ZDHHC1: variants seen among roughly 807,000 people sequenced by gnomAD.
The protein encoded by ZDHHC1 is palmitoyltransferase ZDHHC1.
ZDHHC1 carries 45 observed loss-of-function variants against 46.9 expected under a neutral mutation model. That is an observed-to-expected ratio of 0.96 (90% confidence interval 0.76 to 1.23). The LOEUF is 1.23. Ranked by LOEUF, ZDHHC1 falls within the 50% of genes most tolerant of loss-of-function variation. The pLI, the probability that ZDHHC1 is intolerant of heterozygous loss-of-function variation, is 0.00. For missense variants in ZDHHC1, 649 were observed against 670.8 expected (o/e 0.97, Z 0.36); for synonymous variants, 291 against 286.0 (o/e 1.02, Z -0.18).
rs1214778190 is a variant in ZDHHC1 at position 67,402,938 on chromosome 16, A to G, written c.253-1806T>C. On this transcript the variant is annotated intron_variant, in intron 3 of 11. Transcript: ENST00000565726. Reference sequence around the variant, plus strand: ...CCACCACTCCTGCCCAAAAACATGGATATCAATCAAATAATGAGTTAATTA... The same window carrying G: ...CCACCACTCCTGCCCAAAAACATGGGTATCAATCAAATAATGAGTTAATTA... Among the ~76,000 whole-genome samples the G allele has an allele frequency of 9.8e-5, 15 of 152,364 alleles. No homozygotes were observed. The East Asian group carries it at 1.5e-3, about 16-fold the overall frequency.
chr16:67,400,195 G>C (rs1177934766), intron 4 of ZDHHC1, among the ~76,000 whole-genome samples: 1 of 152,236 alleles, frequency 6.6e-6, no homozygotes, highest in East Asian at 1.9e-4. Flanking sequence ...GGCGCCTTAA[G>C]GCTAGGGGCT....
Position 67,399,468 on chromosome 16 carries a change from G to C in ZDHHC1, c.429-12C>G, listed in dbSNP as rs777449704. Reference sequence around the variant, plus strand: ...TGGAGCGAGCGCTCCTGCAGGGAGAGGGGGCACAGCGCGATTGGCCGGCTC... The same window carrying C: ...TGGAGCGAGCGCTCCTGCAGGGAGACGGGGCACAGCGCGATTGGCCGGCTC... On this transcript the variant is annotated splice_polypyrimidine_tract_variant and intron_variant, in intron 4 of 11. Transcript: ENST00000565726. 3.7e-6 allele frequency: 6 copies of C among 1,603,312 alleles called. No homozygotes were observed. The highest frequency in any genetic ancestry group is 3.4e-5 in the Admixed American group (2 of 59,328).
rs2040370781 is a variant in ZDHHC1 at position 67,394,300 on chromosome 16, CAGGGCAGCCTGG to C, written c.*298_*309del. On this transcript the variant is annotated 3_prime_UTR_variant, in exon 12 of 12. Coordinates refer to ENST00000565726, the MANE Select transcript of ZDHHC1 (RefSeq NM_001323627.2). ...CACGAGCCGCACGTGAGCACCTCCACAGGGCAGCCTGGGTGGCTACCTACTATACAGGGACCT... is the reference window on the plus strand; with the variant it reads ...CACGAGCCGCACGTGAGCACCTCCACGTGGCTACCTACTATACAGGGACCT... The C allele has an allele frequency of 6.3e-6, 1 of 157,788 alleles. No homozygotes were observed. The highest frequency in any genetic ancestry group is 2.9e-3 in the Middle Eastern group (1 of 348). 9.8% of individuals were successfully genotyped at this position (157,788 alleles called of 1,614,324 possible).
rs754070046 is a variant in ZDHHC1, at chr16:67,406,368, G to A, written c.84C>T (p.Ser28=). 1.3e-5 allele frequency: 21 copies of A among 1,582,124 alleles called. No homozygotes were observed. Among genetic ancestry groups the A allele is most frequent in the Admixed American group, 5.5e-5 (3 of 54,322 alleles). ...GGCCCTGCAGCTCAGGGGAGGGTCC[G>A]CTGGGCTGTGCCGGTGCCGTCCACA... ...KSVWTAPAQP[S]GPSPELQGQR... Residue 28 remains serine (S), a synonymous_variant, in exon 3 of 12, where the codon AGC becomes AGT. Transcript: ENST00000565726. The surrounding 1 kb of genome is among the most constrained non-coding windows in gnomAD (Gnocchi z 4.1).
rs531507115 is a variant in ZDHHC1, at chr16:67,414,312, G to A, written c.-39+1859C>T. Among the ~76,000 whole-genome samples, 152 of 152,262 alleles carry A rather than the reference G, an allele frequency of 1.0e-3. No individual in the cohort carries two copies. The Middle Eastern group carries it at 0.027, about 27-fold the overall frequency. ...ATCTGGCTAATTAAGCACCACTGTT[G>A]CTTTTACTGCATCTCATGGTGATTA... On this transcript the variant is annotated intron_variant, in intron 1 of 11. Transcript: ENST00000565726.
In ZDHHC1 at chr16:67,394,359, G is replaced by C. The variant is rs1262256329; in HGVS notation, c.*251C>G. Reference sequence around the variant, plus strand: ...ACCTCCTCCCCGCCCCCGGTCCACTGGCCAGGGTCGGGCTTCTGGATGGCC... The same window carrying C: ...ACCTCCTCCCCGCCCCCGGTCCACTCGCCAGGGTCGGGCTTCTGGATGGCC... On this transcript the variant is annotated 3_prime_UTR_variant, in exon 12 of 12. Coordinates refer to ENST00000565726, the MANE Select transcript of ZDHHC1 (RefSeq NM_001323627.2). 2 of 185,930 alleles carry C rather than the reference G, an allele frequency of 1.1e-5. No homozygotes were observed. Among genetic ancestry groups the C allele is most frequent in the Non-Finnish European group, 2.1e-5 (2 of 93,306 alleles). The allele number at this position is 185,930 out of a possible 1,614,324, so 11.5% of individuals were successfully genotyped here. A position where few individuals can be genotyped will look rare whatever the true frequency, so the allele number is the denominator to read the frequency against.
Position 67,407,771 on chromosome 16 carries a change from T to G in ZDHHC1, c.5A>C (p.Tyr2Ser). 1 of 781,028 alleles carries G rather than the reference T, an allele frequency of 1.3e-6. No homozygotes were observed. The highest frequency in any genetic ancestry group is 1.3e-5 in the South Asian group (1 of 74,620). The allele number at this position is 781,028 out of a possible 1,614,324, so 48.4% of individuals were successfully genotyped here. ...CCCAGGCACCCAAAATTGTACCTTGTACATAGTAGATCCTCAGTAAATGTT... is the reference window on the plus strand; with the variant it reads ...CCCAGGCACCCAAAATTGTACCTTGGACATAGTAGATCCTCAGTAAATGTT... M[Y>S]KMNICNKPSN... The change falls in exon 2 of 12, where the codon TAC becomes TCC. Residue 2 changes from tyrosine to serine, a missense_variant. Physicochemically the swap from Tyr to Ser is moderately radical, Grantham distance 144. Transcript: ENST00000565726.
Position 67,416,372 on chromosome 16 carries a change from T to TGGCTCTGGCTCCGGCTCTGGCTCC in ZDHHC1, c.-241_-240insGGAGCCAGAGCCGGAGCCAGAGCC, listed in dbSNP as rs1199266962. Reference sequence around the variant, plus strand: ...ACTGGGCCGGTGAGTCCTCGAGCTCTGGCTCTGGCTCCGGCTCCGGCTCCG... The same window carrying TGGCTCTGGCTCCGGCTCTGGCTCC: ...ACTGGGCCGGTGAGTCCTCGAGCTCTGGCTCTGGCTCCGGCTCTGGCTCCGGCTCTGGCTCCGGCTCCGGCTCCG... On this transcript the variant is annotated 5_prime_UTR_variant, in exon 1 of 12. Coordinates refer to ENST00000565726, the MANE Select transcript of ZDHHC1 (RefSeq NM_001323627.2). 2.5e-5 allele frequency: 5 copies of TGGCTCTGGCTCCGGCTCTGGCTCC among 201,724 alleles called. No individual in the cohort carries two copies. The highest frequency in any genetic ancestry group is 1.3e-4 in the African/African-American group (5 of 38,236). 12.5% of individuals were successfully genotyped at this position (201,724 alleles called of 1,614,324 possible). A position where few individuals can be genotyped will look rare whatever the true frequency, so the allele number is the denominator to read the frequency against.
rs768908466 is a variant in ZDHHC1, at chr16:67,394,896, G to T, written c.1166-3C>A. The T allele has an allele frequency of 1.3e-6, 2 of 1,563,146 alleles. No homozygotes were observed. The highest frequency in any genetic ancestry group is 2.3e-5 in the South Asian group (2 of 85,622). ...GCGGCGGCTGGGGGCCCTAGGCCCT[G>T]CGCAAGGGAAGGGAACATGAGCCCA... On this transcript the variant is annotated splice_region_variant and splice_polypyrimidine_tract_variant and intron_variant, in intron 11 of 11. Transcript: ENST00000565726.
In ZDHHC1 at chr16:67,395,298, G is replaced by T; in HGVS notation, c.1011-18C>A. The T allele has an allele frequency of 1.3e-6, 2 of 1,514,898 alleles. No individual in the cohort carries two copies. The highest frequency in any genetic ancestry group is 2.4e-5 in the East Asian group (1 of 41,338). 93.8% of individuals were successfully genotyped at this position (1,514,898 alleles called of 1,614,324 possible). ...GGGAGGGACTGAGGGGGAAGCAGGA[G>T]GGTAAGCCTGGGGCCTGTTCCCCAA... On this transcript the variant is annotated intron_variant, in intron 9 of 11. Transcript: ENST00000565726.
chr16:67,403,546 G>C (rs947097578), intron 3 of ZDHHC1, among the ~76,000 whole-genome samples: 3 of 152,100 alleles, frequency 2.0e-5, no homozygotes, highest in Admixed American at 2.0e-4. Context: ...CAGAGGAAAT[G>C]GGGGAGAGAG....
intron 3 of ZDHHC1, among the ~76,000 whole-genome samples, chr16:67,405,504 A>G (rs2040636551): frequency 6.6e-6 from 1 of 152,190 alleles, no homozygotes; most frequent in Non-Finnish European, 1.5e-5. Context: ...TCTGGAAAGG[A>G]GCACAGAGAT....
intron 1 of ZDHHC1, among the ~76,000 whole-genome samples, chr16:67,410,675 G>A (rs996537898): frequency 6.9e-6 from 1 of 143,976 alleles, no homozygotes; most frequent in Non-Finnish European, 1.5e-5. Context: ...TATTATTATT[G>A]TTATTATTTA....
At position 67,394,821 on chromosome 16, in the gene ZDHHC1, C is replaced by T. The variant is rs1384349875; in HGVS notation, c.1238G>A (p.Gly413Asp). ...SADASPVHAA[G>D]PAGAYHSASA... The stretch of plus-strand genomic sequence containing the variant: ...CGCCGAGTGGTAGGCGCCGGCAGGG[C>T]CAGCGGCGTGCACAGGGCTGGCGTC... The change falls in exon 12 of 12, where the codon GGC (glycine) becomes GAC (aspartate). Residue 413 changes from glycine (G) to aspartate (D), a missense_variant. By Grantham distance (94) the Gly-to-Asp change is moderately conservative. Transcript: ENST00000565726. 3.3e-6 allele frequency: 5 copies of T among 1,537,852 alleles called. No homozygotes were observed. Among genetic ancestry groups the T allele is most frequent in the Non-Finnish European group, 4.4e-6 (5 of 1,146,670 alleles).
Position 67,394,300 on chromosome 16 carries a change from C to T in ZDHHC1, c.*310G>A, listed in dbSNP as rs1366253532. On this transcript the variant is annotated 3_prime_UTR_variant, in exon 12 of 12. Transcript: ENST00000565726. ...CACGAGCCGCACGTGAGCACCTCCA[C>T]AGGGCAGCCTGGGTGGCTACCTACT... 1 of 157,788 alleles carries T rather than the reference C, an allele frequency of 6.3e-6. No individual in the cohort carries two copies. The highest frequency in any genetic ancestry group is 1.9e-4 in the East Asian group (1 of 5,400). 9.8% of individuals were successfully genotyped at this position (157,788 alleles called of 1,614,324 possible).
In ZDHHC1 at chr16:67,395,216, G is replaced by A; in HGVS notation, c.1075C>T (p.Leu359Phe). The stretch of plus-strand genomic sequence containing the variant: ...GGTCGGATCCGGGGAGGCAGGGCGA[G>A]AGTGTCTGGGGAAGAGGGTGGTGGA... ...EPPPPSSPDT[L>F]ALPPRIRPQK... The change falls in exon 10 of 12, where the codon CTC (leucine) becomes TTC (phenylalanine). Residue 359 changes from leucine to phenylalanine, a missense_variant. Leu to Phe is a conservative substitution (Grantham distance 22). Transcript: ENST00000565726. 1 of 1,610,256 alleles carries A rather than the reference G, an allele frequency of 6.2e-7. No individual in the cohort carries two copies. Among genetic ancestry groups the A allele is most frequent in the Non-Finnish European group, 8.5e-7 (1 of 1,178,894 alleles).
chr16:67,398,460 T>G, intron 7 of ZDHHC1, 113 bp downstream of exon 7: 1 of 1,508,202 alleles, frequency 6.6e-7, no homozygotes, highest in Admixed American at 2.0e-5. Context: ...CTGGCCACCA[T>G]AGTGAGCCCA....
chr16:67,396,102 G>A (rs1424367809), intron 8 of ZDHHC1: 1 of 154,798 alleles, frequency 6.5e-6, no homozygotes, highest in Non-Finnish European at 1.4e-5. Flanking sequence ...CAAAAGGGAA[G>A]GTAGCAGGTG....
chr16:67,394,804 G>GT lies in ZDHHC1; in HGVS notation c.1254_1255insA (p.His419ThrfsTer80). 7 of 1,532,054 alleles carry GT rather than the reference G, an allele frequency of 4.6e-6. No individual in the cohort carries two copies. In the Admixed American group the frequency reaches 8.0e-5, roughly 17 times the overall value. 94.9% of individuals were successfully genotyped at this position (1,532,054 alleles called of 1,614,324 possible). ...TCCACGGACTCTGCCGACGCCGAGTGGTAGGCGCCGGCAGGGCCAGCGGCG... is the reference window on the plus strand; with the variant it reads ...TCCACGGACTCTGCCGACGCCGAGTGTGTAGGCGCCGGCAGGGCCAGCGGCG... On this transcript the variant is annotated frameshift_variant, in exon 12 of 12. Transcript: ENST00000565726. LOFTEE classifies it low-confidence loss of function (END_TRUNC).
Sources: allele counts gnomAD v4.1 joint callset (sites outside exome capture counted in the v4.1 genomes callset), GRCh38; gene constraint gnomAD v4.1.1; non-coding constraint Gnocchi (gnomAD v3.1); transcripts MANE v1.5; gene names NCBI Gene and HGNC (gene_info 2026-07-23, HGNC 2026-07-21).